The following ANKRD11 variants were observed in gnomAD, a reference collection of about 807,000 sequenced individuals.
ANKRD11 encodes ankyrin repeat domain 11.
A neutral mutation model predicts 195.7 loss-of-function variants in ANKRD11; 17 were observed. The ratio of observed to expected loss-of-function variants is 0.09; its 90% CI spans 0.06 to 0.13. The LOEUF (loss-of-function observed/expected upper bound fraction) is 0.13. Among genes scored for constraint, ANKRD11 ranks in the 10% least tolerant of loss-of-function variants. ANKRD11 has a pLI of 1.00. For missense variants in ANKRD11, 3,735 were observed against 3,566.1 expected (o/e 1.05, Z -1.21); for synonymous variants, 1,953 against 1,528.1 (o/e 1.28, Z -6.49).
chr16:89,337,057 A>T (rs1190298085), intron 2 of ANKRD11, among the ~76,000 whole-genome samples: 1 of 148,528 alleles, frequency 6.7e-6, no homozygotes, highest in Non-Finnish European at 1.5e-5. Context: ...GTGGTGGTGC[A>T]CACCTGCAGT....
chr16:89,287,222 G>T, intron 7 of ANKRD11: 1 of 646,938 alleles, frequency 1.5e-6, no homozygotes, highest in Non-Finnish European at 2.3e-6. Context: ...CAGCGCAGGT[G>T]CGGCCCTCCT....
rs5016123 is a variant in ANKRD11 at position 89,293,592 on chromosome 16, A to G, written c.227-2409T>C. Among the ~76,000 whole-genome samples, 668 of 94,048 alleles carry G rather than the reference A, an allele frequency of 7.1e-3. 2 individuals are homozygous for G. Among genetic ancestry groups the G allele is most frequent in the East Asian group, 0.028 (43 of 1,534 alleles). The allele number at this position is 94,048 out of a possible 152,430, so 61.7% of individuals were successfully genotyped here. A position where few individuals can be genotyped will look rare whatever the true frequency, so the allele number is the denominator to read the frequency against. On this transcript the variant is annotated intron_variant, in intron 4 of 12. Coordinates refer to ENST00000301030, the MANE Select transcript of ANKRD11 (RefSeq NM_013275.6). ...GGGCTGCGGAGGGAGGAGCTGGGGC[A>G]GAGTTGGGGCTGCGGAGGGAGGAGC...
chr16:89,281,982 G>A lies in ANKRD11; in HGVS notation c.4560C>T (p.Asp1520=), dbSNP rs368651495. 17 of 1,612,706 alleles carry A rather than the reference G, an allele frequency of 1.1e-5. No individual in the cohort carries two copies. The highest frequency in any genetic ancestry group is 1.6e-4 in the Middle Eastern group (1 of 6,084). The part of the protein sequence containing the change: ...PPRVLKDKSR[D]EGPRLGDAKL... ...TGGCATCGCCGAGCCTCGGGCCCTC[G>A]TCCCTGGACTTGTCTTTGAGCACGC... Residue 1520 remains aspartate, a synonymous_variant, in exon 9 of 13, where the codon GAC becomes GAT. Coordinates refer to ENST00000301030, the MANE Select transcript of ANKRD11 (RefSeq NM_013275.6). The surrounding 1 kb of genome is among the most constrained non-coding windows in gnomAD (Gnocchi z 5.5).
At chr16:89,318,821 C>T (rs2037124099) in intron 2 of ANKRD11, among the ~76,000 whole-genome samples, 1 of 152,232 alleles carries the variant, frequency 6.6e-6, no homozygotes, top group African/African-American at 2.4e-5. Flanking sequence ...TCAACGTATT[C>T]ACTGCCTGAC....
intron 2 of ANKRD11, among the ~76,000 whole-genome samples, chr16:89,391,790 G>C (rs1325682054): frequency 6.6e-6 from 1 of 152,148 alleles, no homozygotes; most frequent in Admixed American, 6.5e-5. Flanking sequence ...AAAATAAATA[G>C]TAACTTCTCT....
chr16:89,418,640 T>C (rs1216669131), intron 1 of ANKRD11: 1 of 158,318 alleles, frequency 6.3e-6, no homozygotes, highest in Non-Finnish European at 1.4e-5. Flanking sequence ...TACAATCTTG[T>C]GAAATCACCA....
At chr16:89,317,392 G>A (rs1284383529) in intron 2 of ANKRD11, among the ~76,000 whole-genome samples, 1 of 152,166 alleles carries the variant, frequency 6.6e-6, no homozygotes, top group East Asian at 1.9e-4. Context: ...CTGGATCCTG[G>A]GTCCCACCTG....
chr16:89,451,328 T>C (rs1344037088), intron 1 of ANKRD11, among the ~76,000 whole-genome samples: 1 of 152,098 alleles, frequency 6.6e-6, no homozygotes, highest in East Asian at 1.9e-4. Context: ...TGTGAACAGA[T>C]TAACTGTGAA....
Position 89,285,949 on chromosome 16 carries a change from G to T in ANKRD11, c.892+90C>A. ...AGCCCCCAGCATCCGAGGAGGAGCT[G>T]ATCAGAGGGGCAACACTGTGCAAAC... On this transcript the variant is annotated intron_variant, in intron 8 of 12. Coordinates refer to ENST00000301030, the MANE Select transcript of ANKRD11 (RefSeq NM_013275.6). The surrounding 1 kb of genome is among the most constrained non-coding windows in gnomAD (Gnocchi z 5.6). 6.3e-7 allele frequency: 1 copy of T among 1,597,342 alleles called. No homozygotes were observed. The highest frequency in any genetic ancestry group is 8.6e-7 in the Non-Finnish European group (1 of 1,168,984).
chr16:89,337,274 C>T (rs1007164562), intron 2 of ANKRD11, among the ~76,000 whole-genome samples: 2 of 151,888 alleles, frequency 1.3e-5, no homozygotes, highest in Middle Eastern at 6.4e-3. Flanking sequence ...CCCAAGGAAA[C>T]GTCAGAAAGG....
intron 1 of ANKRD11, among the ~76,000 whole-genome samples, chr16:89,427,333 AC>A (rs1387170999): frequency 6.6e-6 from 1 of 152,030 alleles, no homozygotes; most frequent in Non-Finnish European, 1.5e-5. Flanking sequence ...CGACAGCAAC[AC>A]CCCCCAGGGT....
intron 2 of ANKRD11, among the ~76,000 whole-genome samples, chr16:89,341,418 C>T (rs140909921): frequency 0.01 from 1,594 of 152,346 alleles, 22 homozygotes; most frequent in African/African-American, 0.036. Flanking sequence ...CCAACGTGAA[C>T]AGACCCCACC....
At chr16:89,473,819 G>A (rs1485016643) in intron 1 of ANKRD11, among the ~76,000 whole-genome samples, 1 of 152,186 alleles carries the variant, frequency 6.6e-6, no homozygotes, top group East Asian at 1.9e-4. Flanking sequence ...GTGCAAGGCG[G>A]GTGGGACCTG....
intron 1 of ANKRD11, chr16:89,489,210 T>TAC (rs544631754): frequency 0.12 from 15,467 of 129,004 alleles, 991 homozygotes; most frequent in Middle Eastern, 0.23. Flanking sequence ...GGGCCAACCC[T>TAC]ACACACACAC....
chr16:89,439,955 G>C (rs769936784), intron 1 of ANKRD11, among the ~76,000 whole-genome samples: 2 of 152,204 alleles, frequency 1.3e-5, no homozygotes, highest in Admixed American at 6.5e-5. Flanking sequence ...AGAGGCCTGT[G>C]TCTCTCACAG....
intron 2 of ANKRD11, among the ~76,000 whole-genome samples, chr16:89,376,370 G>A (rs771071845): frequency 1.5e-4 from 23 of 152,326 alleles, no homozygotes; most frequent in Middle Eastern, 3.4e-3. Context: ...CAACCAAGAG[G>A]TAGCAGATGA....
intron 2 of ANKRD11, among the ~76,000 whole-genome samples, chr16:89,377,869 C>G (rs1273969347): frequency 6.6e-6 from 1 of 152,046 alleles, no homozygotes; most frequent in East Asian, 1.9e-4. Context: ...CCACCCCCGC[C>G]CCATGAGAAC....
chr16:89,386,609 T>A (rs772566335), intron 2 of ANKRD11, among the ~76,000 whole-genome samples: 2 of 152,192 alleles, frequency 1.3e-5, no homozygotes, highest in African/African-American at 2.4e-5. Flanking sequence ...AAAAGCACCC[T>A]ACAGGACACG....
At position 89,279,481 on chromosome 16, in the gene ANKRD11, G is replaced by T. The variant is rs749176560; in HGVS notation, c.7061C>A (p.Pro2354His). ...LANQSKQGPP[P>H]SEKECAPTPA... is the part of the protein sequence containing the mutation. ...GGTGGGGGCGCACTCCTTCTCGGAGGGGGGCGGGCCCTGCTTGCTCTGGTT... is the reference window on the plus strand; with the variant it reads ...GGTGGGGGCGCACTCCTTCTCGGAGTGGGGCGGGCCCTGCTTGCTCTGGTT... The change falls in exon 9 of 13, where the codon CCC becomes CAC. Residue 2354 changes from proline to histidine, a missense_variant. Physicochemically the swap from Pro to His is moderately conservative, Grantham distance 77. Coordinates refer to ENST00000301030, the MANE Select transcript of ANKRD11 (RefSeq NM_013275.6). The surrounding 1 kb of genome is among the most constrained non-coding windows in gnomAD (Gnocchi z 5.6). The T allele has an allele frequency of 1.8e-5, 25 of 1,370,802 alleles. No individual in the cohort carries two copies. Among genetic ancestry groups the T allele is most frequent in the East Asian group, 2.5e-5 (1 of 39,854 alleles). The allele number at this position is 1,370,802 out of a possible 1,614,324, so 84.9% of individuals were successfully genotyped here. A position where few individuals can be genotyped will look rare whatever the true frequency, so the allele number is the denominator to read the frequency against.
Sources: gnomAD v4.1 joint callset for allele counts (sites outside exome capture counted in the v4.1 genomes callset) on GRCh38, gnomAD v4.1.1 for gene constraint, Gnocchi (gnomAD v3.1) non-coding constraint, MANE v1.5 for transcripts, NCBI Gene and HGNC (gene_info 2026-07-23, HGNC 2026-07-21) for gene names.